PAK5: variants seen among roughly 807,000 people sequenced by gnomAD.
The protein encoded by PAK5 is p21 (RAC1) activated kinase 5, also known as serine/threonine-protein kinase PAK 5.
PAK5 carries 16 observed loss-of-function variants against 65.9 expected under a neutral mutation model. That is an observed-to-expected ratio of 0.24 (90% CI 0.16 to 0.37). The LOEUF is 0.37. Ranked by LOEUF, PAK5 falls within the 10% of genes least tolerant of loss-of-function variation. PAK5 has a pLI of 1.00. For synonymous variants in PAK5, 371 were observed against 354.9 expected (o/e 1.05, Z -0.51); for missense variants, 785 against 903.9 (o/e 0.87, Z 1.69).
chr20:9,700,086 G>GTCTGT (rs1323353979), intron 2 of PAK5, among the ~76,000 whole-genome samples: 1 of 152,076 alleles, frequency 6.6e-6, no homozygotes, highest in Non-Finnish European at 1.5e-5. Context: ...TGCTCAACAT[G>GTCTGT]TCTGTGATTC....
At chr20:9,601,021 G>A (rs1259281868) in intron 3 of PAK5, among the ~76,000 whole-genome samples, 1 of 152,188 alleles carries the variant, frequency 6.6e-6, no homozygotes, top group Non-Finnish European at 1.5e-5. Flanking sequence ...TGTGTGTAAA[G>A]TGACTCCTCT....
At chr20:9,777,441 G>A (rs771349682) in intron 1 of PAK5, among the ~76,000 whole-genome samples, 22 of 152,164 alleles carry the variant, frequency 1.4e-4, no homozygotes, top group Non-Finnish European at 2.6e-4. Flanking sequence ...CAGTTCCCCT[G>A]GCAGGCAATG....
intron 1 of PAK5, among the ~76,000 whole-genome samples, chr20:9,833,381 A>G (rs958560415): frequency 6.6e-6 from 1 of 152,146 alleles, no homozygotes; most frequent in Non-Finnish European, 1.5e-5. Flanking sequence ...CTTTTGTTTC[A>G]ACAATGGCGC....
intron 3 of PAK5, among the ~76,000 whole-genome samples, chr20:9,590,181 G>A (rs1192437228): frequency 1.3e-5 from 2 of 152,054 alleles, no homozygotes; most frequent in Admixed American, 1.3e-4. Context: ...ATGTTGCCCA[G>A]GGTGGTCTCA....
chr20:9,742,960 G>A (rs1363242954), intron 1 of PAK5, among the ~76,000 whole-genome samples: 1 of 152,204 alleles, frequency 6.6e-6, no homozygotes, highest in African/African-American at 2.4e-5. Flanking sequence ...GGTTTTAGCA[G>A]GTTATTCCTG....
chr20:9,733,241 C>T (rs1485513381), intron 1 of PAK5, among the ~76,000 whole-genome samples: 9 of 152,092 alleles, frequency 5.9e-5, no homozygotes, highest in African/African-American at 1.9e-4. Context: ...TCTTTGAAGG[C>T]AGTGAATATT....
chr20:9,695,517 T>A (rs907834380), intron 2 of PAK5, among the ~76,000 whole-genome samples: 29 of 152,060 alleles, frequency 1.9e-4, no homozygotes, highest in Admixed American at 8.5e-4. Flanking sequence ...GGAGCTTGAA[T>A]GGATTCTAAA....
intron 1 of PAK5, among the ~76,000 whole-genome samples, chr20:9,761,863 G>C (rs1295790221): frequency 6.6e-6 from 1 of 152,004 alleles, no homozygotes; most frequent in African/African-American, 2.4e-5. Context: ...TAAGGGTAGA[G>C]TAGCCATATA....
intron 1 of PAK5, among the ~76,000 whole-genome samples, chr20:9,753,323 G>GT (rs890411966): frequency 6.6e-6 from 1 of 151,994 alleles, no homozygotes; most frequent in Non-Finnish European, 1.5e-5. Flanking sequence ...GTTTGCATTT[G>GT]TTTTTTTGAT....
chr20:9,687,586 A>C (rs2123422754), intron 2 of PAK5, among the ~76,000 whole-genome samples: 1 of 152,334 alleles, frequency 6.6e-6, no homozygotes, highest in East Asian at 1.9e-4. Context: ...TCCAGGTTTC[A>C]TGTTTTTCAA....
intron 3 of PAK5, among the ~76,000 whole-genome samples, chr20:9,626,304 G>A (rs777426036): frequency 1.3e-5 from 2 of 152,114 alleles, no homozygotes; most frequent in African/African-American, 4.8e-5. Flanking sequence ...GCTGTCAAAA[G>A]GAAACTAAGT....
intron 1 of PAK5, among the ~76,000 whole-genome samples, chr20:9,786,669 T>G (rs145568509): frequency 2.1e-4 from 32 of 152,084 alleles, no homozygotes; most frequent in African/African-American, 7.2e-4. Context: ...TTAAATATAC[T>G]CTAAGATACA....
intron 1 of PAK5, among the ~76,000 whole-genome samples, chr20:9,714,393 A>G (rs1359296979): frequency 2.0e-5 from 3 of 152,168 alleles, no homozygotes; most frequent in Non-Finnish European, 4.4e-5. Context: ...CAAAAGGTCC[A>G]TACTTAGTTC....
At chr20:9,723,628 C>T (rs149917544) in intron 1 of PAK5, among the ~76,000 whole-genome samples, 4 of 152,272 alleles carry the variant, frequency 2.6e-5, no homozygotes, top group South Asian at 2.1e-4. Context: ...TTGTGCATTT[C>T]GAACTGTTCT....
chr20:9,665,581 C>T (rs528486810), intron 2 of PAK5, among the ~76,000 whole-genome samples: 12 of 152,140 alleles, frequency 7.9e-5, no homozygotes, highest in African/African-American at 1.7e-4. Flanking sequence ...CTCCTGGGCT[C>T]AAGTCATCCT....
chr20:9,572,284 T>C (rs573934326), intron 4 of PAK5, among the ~76,000 whole-genome samples: 1 of 152,360 alleles, frequency 6.6e-6, no homozygotes, highest in South Asian at 2.1e-4. Flanking sequence ...AACTTTCTTC[T>C]GCGATGAGAC....
intron 4 of PAK5, among the ~76,000 whole-genome samples, chr20:9,579,887 C>A (rs2045946925): frequency 6.6e-6 from 1 of 152,154 alleles, no homozygotes; most frequent in South Asian, 2.1e-4. Flanking sequence ...TCTTTCAAAT[C>A]AATAAGTTTA....
intron 7 of PAK5, among the ~76,000 whole-genome samples, chr20:9,552,598 A>T (rs1363909558): frequency 2.0e-5 from 3 of 152,190 alleles, no homozygotes; most frequent in Non-Finnish European, 4.4e-5. Flanking sequence ...TAATTGAATG[A>T]TTTACTTTTA....
chr20:9,738,881 A>C (rs1197315571), intron 1 of PAK5, among the ~76,000 whole-genome samples: 13 of 107,202 alleles, frequency 1.2e-4, no homozygotes, highest in Non-Finnish European at 1.8e-4. Flanking sequence ...TTTTTTAAGG[A>C]GAGTAAACAT....
Sources: gnomAD v4.1 joint callset for allele counts (sites outside exome capture counted in the v4.1 genomes callset) on GRCh38, gnomAD v4.1.1 for gene constraint, MANE v1.5 for transcripts, NCBI Gene and HGNC (gene_info 2026-07-23, HGNC 2026-07-21) for gene names.